YTHDF3: variants seen among roughly 807,000 people sequenced by gnomAD.
YTHDF3 encodes the protein YTH domain-containing family protein 3.
In YTHDF3, 9 loss-of-function variants were observed where a neutral mutation model predicts 52.5. That is an observed-to-expected ratio of 0.17 (90% confidence interval 0.10 to 0.30). The LOEUF is 0.30. YTHDF3 is among the 10% of genes least tolerant of loss of function. The pLI is 1.00. For missense variants in YTHDF3, 534 were observed against 715.0 expected (o/e 0.75, Z 2.89); for synonymous variants, 274 against 243.3 (o/e 1.13, Z -1.18).
chr8:63,180,059 G>A (rs1455150981), intron 3 of YTHDF3, among the ~76,000 whole-genome samples: 3 of 149,208 alleles, frequency 2.0e-5, no homozygotes, highest in Non-Finnish European at 3.0e-5. Context: ...GGGGCGGCTG[G>A]CTGGGCGGGG....
At position 63,209,869 on chromosome 8, in the gene YTHDF3, A is replaced by G. The variant is rs1400296816; in HGVS notation, c.*163A>G. ...TTCTCGTAATGGTTTTCATCAGCGCATCTGCCCTTATACTCTTCACCAAAC... is the reference window on the plus strand; with the variant it reads ...TTCTCGTAATGGTTTTCATCAGCGCGTCTGCCCTTATACTCTTCACCAAAC... On this transcript the variant is annotated 3_prime_UTR_variant, in exon 5 of 5. Transcript: ENST00000539294. 3.0e-6 allele frequency: 2 copies of G among 660,946 alleles called. No homozygotes were observed. The highest frequency in any genetic ancestry group is 3.1e-5 in the Admixed American group (1 of 32,084). 40.9% of individuals were successfully genotyped at this position (660,946 alleles called of 1,614,324 possible). A position where few individuals can be genotyped will look rare whatever the true frequency, so the allele number is the denominator to read the frequency against.
intron 4 of YTHDF3, among the ~76,000 whole-genome samples, chr8:63,206,118 G>A (rs947058520): frequency 6.6e-6 from 1 of 152,102 alleles, no homozygotes; most frequent in Admixed American, 6.5e-5. Flanking sequence ...TTGTTGTCCA[G>A]GCTGGAGTGC....
chr8:63,179,500 A>C (rs1245633222), intron 3 of YTHDF3, among the ~76,000 whole-genome samples: 2 of 152,188 alleles, frequency 1.3e-5, no homozygotes, highest in Non-Finnish European at 2.9e-5. Context: ...CCCTGAGTGG[A>C]TACAGCACAT....
At chr8:63,188,427 A>G (rs571961524) in intron 4 of YTHDF3, among the ~76,000 whole-genome samples, 2 of 151,102 alleles carry the variant, frequency 1.3e-5, no homozygotes, top group Admixed American at 1.3e-4. Flanking sequence ...GCTGGGCTCA[A>G]GTGATCCTCC....
chr8:63,194,950 A>G (rs936659845), intron 4 of YTHDF3, among the ~76,000 whole-genome samples: 2 of 152,136 alleles, frequency 1.3e-5, no homozygotes, highest in African/African-American at 4.8e-5. Flanking sequence ...GAGCCTGATT[A>G]TGACAACAAA....
At chr8:63,174,753 G>A (rs1807574184) in intron 2 of YTHDF3, among the ~76,000 whole-genome samples, 1 of 152,146 alleles carries the variant, frequency 6.6e-6, no homozygotes, top group African/African-American at 2.4e-5. Context: ...TAGAATTAAA[G>A]CCCTCTTTAT....
chr8:63,191,085 T>C (rs1023478218), intron 4 of YTHDF3, among the ~76,000 whole-genome samples: 5 of 152,240 alleles, frequency 3.3e-5, no homozygotes, highest in Non-Finnish European at 7.3e-5. Context: ...TTTACAGTTA[T>C]GTGGTTTTAT....
At chr8:63,209,453 T>G (rs1413265973) in intron 4 of YTHDF3, among the ~76,000 whole-genome samples, 2 of 152,178 alleles carry the variant, frequency 1.3e-5, no homozygotes, top group Non-Finnish European at 2.9e-5. Context: ...GGATCTATAC[T>G]CTCCTGAAAT....
At chr8:63,179,277 G>A (rs1040363642) in intron 3 of YTHDF3, among the ~76,000 whole-genome samples, 6 of 151,522 alleles carry the variant, frequency 4.0e-5, no homozygotes, top group Non-Finnish European at 8.8e-5. Context: ...GGGGGATTTG[G>A]CAGGGTCACA....
chr8:63,192,924 A>G (rs1251240933), intron 4 of YTHDF3, among the ~76,000 whole-genome samples: 2 of 151,176 alleles, frequency 1.3e-5, no homozygotes, highest in African/African-American at 4.9e-5. Context: ...AGCTTCTGGT[A>G]TGTGGATGTA....
intron 4 of YTHDF3, among the ~76,000 whole-genome samples, chr8:63,194,342 G>A (rs965075111): frequency 3.3e-5 from 5 of 152,024 alleles, no homozygotes; most frequent in Admixed American, 1.3e-4. Flanking sequence ...AAAATTAGCC[G>A]GGCATGGTGG....
At chr8:63,176,574 C>T (rs1025395130) in intron 3 of YTHDF3, among the ~76,000 whole-genome samples, 1 of 151,866 alleles carries the variant, frequency 6.6e-6, no homozygotes, top group African/African-American at 2.4e-5. Flanking sequence ...GCCACTGGGC[C>T]CAGCCCACCT....
intron 4 of YTHDF3, among the ~76,000 whole-genome samples, chr8:63,202,462 C>CTT (rs5891892): frequency 7.8e-6 from 1 of 128,028 alleles, no homozygotes; most frequent in Non-Finnish European, 1.6e-5. Flanking sequence ...TTGTTCTACT[C>CTT]TTTTTTTTTT....
At chr8:63,184,378 T>A (rs1005806839) in intron 3 of YTHDF3, among the ~76,000 whole-genome samples, 2 of 151,898 alleles carry the variant, frequency 1.3e-5, no homozygotes, top group Admixed American at 1.3e-4. Context: ...AATTATTAAT[T>A]TAAATGTAAC....
At chr8:63,174,449 A>G (rs1460762109) in intron 2 of YTHDF3, among the ~76,000 whole-genome samples, 13 of 152,232 alleles carry the variant, frequency 8.5e-5, no homozygotes, top group Non-Finnish European at 1.9e-4. Flanking sequence ...CTATTCATAC[A>G]TAACCTTCTG....
rs974378613 is a variant in YTHDF3 at position 63,204,654 on chromosome 8, G to A, written c.1735-5029G>A. The stretch of plus-strand genomic sequence containing the variant: ...TGGGCTTACAGGCATGAGCCACCGC[G>A]CACCTGGCTTGTTTGTTGCATTTCA... On this transcript the variant is annotated intron_variant, in intron 4 of 4. Transcript: ENST00000539294. 6.6e-5 allele frequency among the ~76,000 whole-genome samples: 10 copies of A among 152,138 alleles called. 1 individual carries two copies. The highest frequency in any genetic ancestry group is 2.2e-4 in the African/African-American group (9 of 41,438).
At chr8:63,185,246 A>G (rs570885090) in intron 3 of YTHDF3, among the ~76,000 whole-genome samples, 2 of 152,048 alleles carry the variant, frequency 1.3e-5, no homozygotes, top group South Asian at 2.1e-4. Flanking sequence ...AAAGTATTTT[A>G]TTTTTATATT....
chr8:63,203,559 A>G (rs1809784613), intron 4 of YTHDF3, among the ~76,000 whole-genome samples: 1 of 152,230 alleles, frequency 6.6e-6, no homozygotes, highest in South Asian at 2.1e-4. Context: ...TTTCCCTAAT[A>G]TTAACACATA....
chr8:63,189,475 A>G (rs1409720791), intron 4 of YTHDF3, among the ~76,000 whole-genome samples: 1 of 152,250 alleles, frequency 6.6e-6, no homozygotes, highest in Non-Finnish European at 1.5e-5. Flanking sequence ...TATGGAAAGC[A>G]TGTTCTTATG....
Sources: allele counts gnomAD v4.1 joint callset (sites outside exome capture counted in the v4.1 genomes callset), GRCh38; gene constraint gnomAD v4.1.1; transcripts MANE v1.5; gene names NCBI Gene and HGNC (gene_info 2026-07-23, HGNC 2026-07-21).